Variants in KCNIP4 observed in about 807,000 individuals in gnomAD.
KCNIP4 encodes Kv channel-interacting protein 4.
A neutral mutation model predicts 34.0 loss-of-function variants in KCNIP4; 12 were observed. The observed-to-expected ratio is 0.35, with a 90% CI of 0.23 to 0.57. The LOEUF (loss-of-function observed/expected upper bound fraction) is 0.57. Ranked by LOEUF, KCNIP4 falls within the 20% of genes least tolerant of loss-of-function variation. KCNIP4 has a pLI of 0.83. For missense variants in KCNIP4, 238 were observed against 311.7 expected (o/e 0.76, Z 1.78); for synonymous variants, 124 against 102.2 (o/e 1.21, Z -1.29).
rs73805055 is a variant in KCNIP4, at chr4:21,187,511, A to G, written c.62-304802T>C. On this transcript the variant is annotated intron_variant, in intron 1 of 8. Transcript: ENST00000382152. ...AATTCGTTAAAATTCATTTTTGTTT[A>G]TTTTAAGTATGCATACTTGCCCTCT... 6.7e-3 allele frequency among the ~76,000 whole-genome samples: 1,021 copies of G among 152,260 alleles called. 8 individuals are homozygous for G. Among genetic ancestry groups the G allele is most frequent in the African/African-American group, 0.022 (910 of 41,554 alleles).
rs116567094 is a variant in KCNIP4 at position 21,612,972 on chromosome 4, T to C, written c.61+335599A>G. On this transcript the variant is annotated intron_variant, in intron 1 of 8. Coordinates refer to ENST00000382152, the MANE Select transcript of KCNIP4 (RefSeq NM_025221.6). The stretch of plus-strand genomic sequence containing the variant: ...TAATAGATGTCAGGCAAAGAATGCA[T>C]AAGTAGGCCGTTCAAAGGTATGTAG... Among the ~76,000 whole-genome samples, 507 of 152,270 alleles carry C rather than the reference T, an allele frequency of 3.3e-3. 3 individuals carry two copies. The highest frequency in any genetic ancestry group is 0.012 in the African/African-American group (481 of 41,564).
intron 3 of KCNIP4, among the ~76,000 whole-genome samples, chr4:20,774,452 ATAAT>A (rs1756195760): frequency 6.6e-6 from 1 of 152,214 alleles, no homozygotes; most frequent in African/African-American, 2.4e-5. Flanking sequence ...GGATTTTATC[ATAAT>A]TAATTAATGC....
chr4:21,690,940 GT>G (rs1238099266), intron 1 of KCNIP4, among the ~76,000 whole-genome samples: 1 of 152,180 alleles, frequency 6.6e-6, no homozygotes, highest in Admixed American at 6.5e-5. Context: ...TTTGAGAGAA[GT>G]TTTACTGTCA....
chr4:21,019,709 A>G (rs1254470312), intron 1 of KCNIP4, among the ~76,000 whole-genome samples: 1 of 152,204 alleles, frequency 6.6e-6, no homozygotes, highest in Non-Finnish European at 1.5e-5. Context: ...CCACTGGAAC[A>G]TATAAGGCAA....
chr4:21,266,605 T>G (rs953607421), intron 1 of KCNIP4, among the ~76,000 whole-genome samples: 2 of 152,190 alleles, frequency 1.3e-5, no homozygotes, highest in African/African-American at 4.8e-5. Context: ...ATGAGGACGT[T>G]TGACCTAGGC....
In KCNIP4 at chr4:21,684,160, C is replaced by T. The variant is rs367799776; in HGVS notation, c.61+264411G>A. Reference sequence around the variant, plus strand: ...AAATCTGTAAAGCACATAAAAAATGCTTACTTTAAAATAAAAATACTGCTA... The same window carrying T: ...AAATCTGTAAAGCACATAAAAAATGTTTACTTTAAAATAAAAATACTGCTA... On this transcript the variant is annotated intron_variant, in intron 1 of 8. Coordinates refer to ENST00000382152, the MANE Select transcript of KCNIP4 (RefSeq NM_025221.6). Among the ~76,000 whole-genome samples the T allele has an allele frequency of 2.0e-4, 31 of 152,028 alleles. 3 individuals are homozygous for T. The East Asian group carries it at 3.3e-3, about 16-fold the overall frequency.
intron 1 of KCNIP4, among the ~76,000 whole-genome samples, chr4:21,110,321 A>G (rs1282059303): frequency 6.6e-6 from 1 of 152,188 alleles, no homozygotes; most frequent in East Asian, 1.9e-4. Flanking sequence ...ATGAGGAAAG[A>G]AAAAAACAGA....
At chr4:20,790,064 C>A (rs1712527154) in intron 3 of KCNIP4, among the ~76,000 whole-genome samples, 1 of 152,086 alleles carries the variant, frequency 6.6e-6, no homozygotes, top group Non-Finnish European at 1.5e-5. Flanking sequence ...AGATGGTACA[C>A]CCTAGTACAC....
At chr4:21,934,646 C>T (rs1217719889) in intron 1 of KCNIP4, among the ~76,000 whole-genome samples, 1 of 152,056 alleles carries the variant, frequency 6.6e-6, no homozygotes, top group African/African-American at 2.4e-5. Context: ...CCCAGTCCTC[C>T]CAGAATGATT....
chr4:21,737,258 C>T (rs1716057951), intron 1 of KCNIP4, among the ~76,000 whole-genome samples: 1 of 152,258 alleles, frequency 6.6e-6, no homozygotes, highest in African/African-American at 2.4e-5. Flanking sequence ...TCACATCAAA[C>T]CGTGCCTGAG....
intron 1 of KCNIP4, among the ~76,000 whole-genome samples, chr4:20,899,939 G>A (rs559437959): frequency 6.6e-6 from 1 of 152,172 alleles, no homozygotes; most frequent in Non-Finnish European, 1.5e-5. Flanking sequence ...TCCTGAAAAT[G>A]CTAGCATCAC....
chr4:20,891,212 A>G (rs1725881255), intron 1 of KCNIP4, among the ~76,000 whole-genome samples: 1 of 152,168 alleles, frequency 6.6e-6, no homozygotes, highest in African/African-American at 2.4e-5. Context: ...AAACACGGAC[A>G]ATGTTTTTCT....
intron 1 of KCNIP4, among the ~76,000 whole-genome samples, chr4:20,943,956 T>C (rs6836818): frequency 0.13 from 20,047 of 152,224 alleles, 1,928 homozygotes; most frequent in African/African-American, 0.28. Context: ...AGGTTGATTC[T>C]GAGAGTCTAA....
At chr4:20,980,237 A>C (rs1158924185) in intron 1 of KCNIP4, among the ~76,000 whole-genome samples, 1 of 152,158 alleles carries the variant, frequency 6.6e-6, no homozygotes, top group African/African-American at 2.4e-5. Context: ...TTCATCTTGC[A>C]CTTTCCCACC....
At chr4:21,496,727 T>C (rs1428412322) in intron 1 of KCNIP4, among the ~76,000 whole-genome samples, 1 of 152,208 alleles carries the variant, frequency 6.6e-6, no homozygotes, top group Non-Finnish European at 1.5e-5. Context: ...CAGGCATTAC[T>C]GCCTGAGCTC....
intron 2 of KCNIP4, among the ~76,000 whole-genome samples, chr4:20,857,190 T>C (rs898840990): frequency 2.0e-5 from 3 of 151,974 alleles, no homozygotes; most frequent in African/African-American, 7.3e-5. Flanking sequence ...AAAACATAAC[T>C]GAAATCATCA....
At chr4:21,114,667 T>C (rs987866189) in intron 1 of KCNIP4, among the ~76,000 whole-genome samples, 1 of 152,168 alleles carries the variant, frequency 6.6e-6, no homozygotes, top group Non-Finnish European at 1.5e-5. Flanking sequence ...CAAATACCAA[T>C]ACTAAATATT....
At chr4:20,748,560 TTATATATATATA>T (rs3075750) in intron 5 of KCNIP4, among the ~76,000 whole-genome samples, 1,175 of 64,846 alleles carry the variant, frequency 0.018, 22 homozygotes, top group Non-Finnish European at 0.02. Context: ...CTTCCAAATT[TTATATATATATA>T]TATATATATA....
intron 1 of KCNIP4, among the ~76,000 whole-genome samples, chr4:21,764,842 A>G (rs1329867202): frequency 1.3e-5 from 2 of 151,986 alleles, no homozygotes; most frequent in Non-Finnish European, 1.5e-5. Context: ...GACTAGCTGG[A>G]GGGGAGATGT....
Sources: allele counts gnomAD v4.1 joint callset (sites outside exome capture counted in the v4.1 genomes callset), GRCh38; gene constraint gnomAD v4.1.1; transcripts MANE v1.5; gene names NCBI Gene and HGNC (gene_info 2026-07-23, HGNC 2026-07-21).